Variants in UGGT2 observed in about 807,000 individuals in gnomAD.
UGGT2 encodes the protein UDP-glucose:glycoprotein glucosyltransferase 2.
UGGT2 carries 180 observed loss-of-function variants against 192.1 expected under a neutral mutation model. The observed-to-expected ratio is 0.94, with a 90% CI of 0.83 to 1.06. The LOEUF is 1.06. Ranked by LOEUF, UGGT2 falls within the 50% of genes least tolerant of loss-of-function variation. UGGT2 has a pLI of 0.00. For missense variants in UGGT2, 1,849 were observed against 1,795.7 expected (o/e 1.03, Z -0.54); for synonymous variants, 580 against 591.0 (o/e 0.98, Z 0.27).
At chr13:95,950,445 C>G (rs2050022092) in intron 12 of UGGT2, among the ~76,000 whole-genome samples, 1 of 151,586 alleles carries the variant, frequency 6.6e-6, no homozygotes. Context: ...TAAAAACAAG[C>G]TTCAACAGAA....
At chr13:95,901,608 TC>T (rs1031177346) in intron 21 of UGGT2, among the ~76,000 whole-genome samples, 1 of 152,162 alleles carries the variant, frequency 6.6e-6, no homozygotes, top group African/African-American at 2.4e-5. Flanking sequence ...TCTAACAAGT[TC>T]CCAGATGCTT....
chr13:95,825,669 G>A (rs1216166836), intron 38 of UGGT2, among the ~76,000 whole-genome samples: 1 of 152,178 alleles, frequency 6.6e-6, no homozygotes. Flanking sequence ...TGTGTCTGCA[G>A]TGGTGGACAA....
At chr13:95,861,055 C>A (rs1444922575) in intron 31 of UGGT2, among the ~76,000 whole-genome samples, 172 bp from the exon 32 acceptor site, 1 of 151,768 alleles carries the variant, frequency 6.6e-6, no homozygotes, top group African/African-American at 2.4e-5. Flanking sequence ...TCATTTGAAG[C>A]TTTATGAGTT....
At chr13:96,048,631 C>T (rs539272953) in intron 1 of UGGT2, among the ~76,000 whole-genome samples, 127 of 152,030 alleles carry the variant, frequency 8.4e-4, no homozygotes, top group Non-Finnish European at 1.6e-3. Context: ...CAAATAGATG[C>T]AATAAAAAAT....
rs116817132 is a variant in UGGT2, at chr13:95,954,711, T to A, written c.1336-5257A>T. 1.9e-3 allele frequency among the ~76,000 whole-genome samples: 289 copies of A among 152,302 alleles called. 1 individual carries two copies. Among genetic ancestry groups the A allele is most frequent in the African/African-American group, 6.8e-3 (283 of 41,580 alleles). On this transcript the variant is annotated intron_variant, in intron 12 of 38. Transcript: ENST00000376747. ...TCCAGATGTACCAAACCAATGTACA[T>A]CTTACATATATCAATTGATGTCTTA...
intron 36 of UGGT2, among the ~76,000 whole-genome samples, chr13:95,848,540 A>G (rs763429353): frequency 4.6e-5 from 7 of 151,940 alleles, no homozygotes; most frequent in Middle Eastern, 3.2e-3. Context: ...ACATTTGTTG[A>G]AAATACTATC....
intron 12 of UGGT2, among the ~76,000 whole-genome samples, chr13:95,953,483 G>A (rs2050127601): frequency 6.6e-6 from 1 of 152,062 alleles, no homozygotes; most frequent in African/African-American, 2.4e-5. Flanking sequence ...GCAGAAGGGA[G>A]GACCAAAATT....
At chr13:95,997,128 C>G (rs1313206955) in intron 6 of UGGT2, among the ~76,000 whole-genome samples, 1 of 152,082 alleles carries the variant, frequency 6.6e-6, no homozygotes, top group African/African-American at 2.4e-5. Context: ...ATCTAGTCAT[C>G]CTTTTCCTCT....
intron 7 of UGGT2, among the ~76,000 whole-genome samples, chr13:95,992,073 G>A (rs2051475050): frequency 6.6e-6 from 1 of 152,180 alleles, no homozygotes; most frequent in Admixed American, 6.5e-5. Flanking sequence ...TGAGGCAGGA[G>A]AATTGCTTGA....
intron 11 of UGGT2, among the ~76,000 whole-genome samples, chr13:95,971,734 T>C (rs1411110277): frequency 6.6e-6 from 1 of 152,174 alleles, no homozygotes; most frequent in Non-Finnish European, 1.5e-5. Flanking sequence ...ATCTATCTTA[T>C]TATTTTTACA....
chr13:95,939,224 T>C (rs766807873), intron 16 of UGGT2, among the ~76,000 whole-genome samples: 1 of 152,188 alleles, frequency 6.6e-6, no homozygotes. Flanking sequence ...ACACAATATT[T>C]TTCTGACTGG....
At chr13:95,884,065 CA>C (rs35937679) in intron 27 of UGGT2, among the ~76,000 whole-genome samples, 46 of 73,958 alleles carry the variant, frequency 6.2e-4, no homozygotes, top group Middle Eastern at 0.01. Flanking sequence ...GCTGTGAGGC[CA>C]AAAAAAAAAA....
intron 2 of UGGT2, among the ~76,000 whole-genome samples, chr13:96,027,915 CACTT>C (rs1375621856): frequency 1.3e-5 from 2 of 152,180 alleles, no homozygotes; most frequent in African/African-American, 4.8e-5. Context: ...TAACAGCAAT[CACTT>C]ACAACTTAAT....
chr13:95,935,663 G>C (rs1434901152), intron 17 of UGGT2, among the ~76,000 whole-genome samples: 1 of 152,110 alleles, frequency 6.6e-6, no homozygotes, highest in Non-Finnish European at 1.5e-5. Flanking sequence ...TCTTGTAACT[G>C]AACGTCTACT....
intron 15 of UGGT2, among the ~76,000 whole-genome samples, chr13:95,943,409 C>A (rs1054521817): frequency 8.6e-5 from 13 of 151,908 alleles, no homozygotes; most frequent in African/African-American, 3.1e-4. Context: ...TTCCCCCCAG[C>A]CCCCAGGTTT....
chr13:95,973,986 T>A (rs1350554028), intron 10 of UGGT2, among the ~76,000 whole-genome samples: 1 of 152,136 alleles, frequency 6.6e-6, no homozygotes, highest in African/African-American at 2.4e-5. Flanking sequence ...TATTTCAACA[T>A]CATATGATAA....
chr13:95,975,308 T>C (rs1040192206), intron 10 of UGGT2, among the ~76,000 whole-genome samples: 1 of 152,060 alleles, frequency 6.6e-6, no homozygotes, highest in African/African-American at 2.4e-5. Context: ...CCAGATATCC[T>C]TATGCACACA....
At chr13:95,944,039 A>G (rs934452638) in intron 15 of UGGT2, among the ~76,000 whole-genome samples, 1 of 151,962 alleles carries the variant, frequency 6.6e-6, no homozygotes, top group African/African-American at 2.4e-5. Flanking sequence ...TAACATGGTG[A>G]ATTATATTTA....
intron 17 of UGGT2, 134 bp from the exon 18 acceptor site, chr13:95,927,470 CTT>C (rs869027577): frequency 0.048 from 11,376 of 236,536 alleles, 5 homozygotes; most frequent in East Asian, 0.062. Context: ...CATTTTCTTT[CTT>C]TTTTTTTTTT....
Sources: gnomAD v4.1 joint callset for allele counts (sites outside exome capture counted in the v4.1 genomes callset) on GRCh38, gnomAD v4.1.1 for gene constraint, MANE v1.5 for transcripts, NCBI Gene and HGNC (gene_info 2026-07-23, HGNC 2026-07-21) for gene names.